The following MALL variants were observed in gnomAD, a reference collection of about 807,000 sequenced individuals.
MALL encodes mal, T cell differentiation protein like.
A neutral mutation model predicts 10.3 loss-of-function variants in MALL; 2 were observed. That is an observed-to-expected ratio of 0.19 (90% CI 0.08 to 0.61). The LOEUF (loss-of-function observed/expected upper bound fraction) is 0.61. Among genes scored for constraint, MALL ranks in the 20% least tolerant of loss-of-function variants. MALL has a pLI of 0.88. For synonymous variants in MALL, 27 were observed against 51.8 expected, an observed-to-expected ratio of 0.52 and a Z score of 2.05; for missense variants, 39 against 115.2, an observed-to-expected ratio of 0.34 and a Z score of 3.03.
intron 1 of MALL, among the ~76,000 whole-genome samples, chr2:110,106,388 G>T (rs913429871): frequency 6.6e-6 from 1 of 152,066 alleles, no homozygotes; most frequent in Non-Finnish European, 1.5e-5. Flanking sequence ...GGTGTGAGCC[G>T]CACCCACCCC....
At chr2:110,107,822 T>C (rs57676962) in intron 1 of MALL, among the ~76,000 whole-genome samples, 10,231 of 152,184 alleles carry the variant, frequency 0.067, 1,138 homozygotes, top group African/African-American at 0.23. Flanking sequence ...CAGGCACTGA[T>C]ATCCATGGCT....
At chr2:110,108,549 C>T (rs1033750894) in intron 1 of MALL, among the ~76,000 whole-genome samples, 45 of 151,334 alleles carry the variant, frequency 3.0e-4, no homozygotes, top group African/African-American at 9.5e-4. Context: ...TTATGTTAAA[C>T]GACCAAGCCT....
At chr2:110,095,141 A>G (rs1678414541) in intron 1 of MALL, among the ~76,000 whole-genome samples, 1 of 151,936 alleles carries the variant, frequency 6.6e-6, no homozygotes, top group Admixed American at 6.5e-5. Context: ...TTCTGTCTCA[A>G]GTAGTCTAGG....
rs766574295 is a variant in MALL at position 110,112,785 on chromosome 2, CAT to C, written c.105+2901_105+2902del. 8.6e-5 allele frequency among the ~76,000 whole-genome samples: 13 copies of C among 151,900 alleles called. 1 individual carries two copies. The highest frequency in any genetic ancestry group is 1.3e-4 in the Admixed American group (2 of 15,252). ...TATTCAAAAAAGATACTTGCACACA[CAT>C]GTTTATAGCAGCACAATTCACAATT... On this transcript the variant is annotated intron_variant, in intron 1 of 3. Transcript: ENST00000272462.
At chr2:110,110,545 A>C (rs1678781659) in intron 1 of MALL, among the ~76,000 whole-genome samples, 1 of 152,144 alleles carries the variant, frequency 6.6e-6, no homozygotes, top group Non-Finnish European at 1.5e-5. Flanking sequence ...TAAACAGATC[A>C]ATAACAAGCT....
At chr2:110,105,407 G>C (rs557008474) in intron 1 of MALL, among the ~76,000 whole-genome samples, 9 of 152,270 alleles carry the variant, frequency 5.9e-5, no homozygotes, top group African/African-American at 2.2e-4. Flanking sequence ...TTTTCCAGGG[G>C]ACATCCTTGG....
At chr2:110,099,184 A>G (rs1678509090) in intron 1 of MALL, among the ~76,000 whole-genome samples, 1 of 152,074 alleles carries the variant, frequency 6.6e-6, no homozygotes, top group African/African-American at 2.4e-5. Context: ...GGTTCTGAAC[A>G]TGGAGCGCTA....
chr2:110,105,836 C>G (rs1559032236), intron 1 of MALL, among the ~76,000 whole-genome samples: 1 of 152,112 alleles, frequency 6.6e-6, no homozygotes. Flanking sequence ...AGAGTTGGCC[C>G]TAGGGGGCTC....
chr2:110,096,220 G>A (rs547540850), intron 1 of MALL, among the ~76,000 whole-genome samples: 11 of 152,118 alleles, frequency 7.2e-5, no homozygotes, highest in South Asian at 2.1e-4. Context: ...GGGAGGCTGC[G>A]TTGTTCCCCA....
At chr2:110,097,502 C>T (rs1231201745) in intron 1 of MALL, 1 of 456,634 alleles carries the variant, frequency 2.2e-6, no homozygotes, top group Non-Finnish European at 4.4e-6. Context: ...TGCTCACCTG[C>T]ACAGAGCAGC....
intron 1 of MALL, among the ~76,000 whole-genome samples, chr2:110,095,672 T>A (rs1004643813): frequency 7.3e-5 from 11 of 151,074 alleles, no homozygotes; most frequent in Non-Finnish European, 1.3e-4. Flanking sequence ...AACCAATAAA[T>A]CTAATCGCGT....
chr2:110,100,776 C>T (rs1331209004), intron 1 of MALL, among the ~76,000 whole-genome samples: 2 of 152,138 alleles, frequency 1.3e-5, no homozygotes, highest in African/African-American at 4.8e-5. Flanking sequence ...CAGCAGGAGC[C>T]CCATCCCAGG....
intron 1 of MALL, among the ~76,000 whole-genome samples, chr2:110,102,971 A>G (rs574756354): frequency 6.6e-6 from 1 of 152,274 alleles, no homozygotes; most frequent in South Asian, 2.1e-4. Context: ...AAGAGTCCAG[A>G]TGGGCAGTGT....
intron 1 of MALL, among the ~76,000 whole-genome samples, chr2:110,111,506 C>T (rs2104394233): frequency 6.6e-6 from 1 of 152,004 alleles, no homozygotes; most frequent in Non-Finnish European, 1.5e-5. Context: ...TAATAAAATA[C>T]TTAGGAATAT....
upstream of MALL, among the ~76,000 whole-genome samples, chr2:110,117,850 T>G (rs1678954735): frequency 6.6e-6 from 1 of 151,894 alleles, no homozygotes; most frequent in South Asian, 2.1e-4. Context: ...AAACAGAGAT[T>G]TTCTACACTC....
At chr2:110,091,390 TCTC>T (rs1262690968) in intron 2 of MALL, among the ~76,000 whole-genome samples, 5 of 105,538 alleles carry the variant, frequency 4.7e-5, no homozygotes, top group African/African-American at 2.0e-4. Context: ...CATTGTGTAT[TCTC>T]CTAACAGGGA....
chr2:110,117,622 TGTGAGAGAGA>T (rs1259002569), upstream of MALL, among the ~76,000 whole-genome samples: 42 of 120,724 alleles, frequency 3.5e-4, no homozygotes, highest in African/African-American at 1.1e-3. Context: ...TGTGTGTGTG[TGTGAGAGAGA>T]GAGAGAGAGA....
chr2:110,113,404 C>G (rs1365518958), intron 1 of MALL, among the ~76,000 whole-genome samples: 2 of 141,072 alleles, frequency 1.4e-5, no homozygotes, highest in African/African-American at 5.3e-5. Context: ...CGCCACTGCA[C>G]TCCAGCCTGG....
intron 1 of MALL, among the ~76,000 whole-genome samples, chr2:110,103,649 G>A (rs1678627568): frequency 6.6e-6 from 1 of 152,302 alleles, no homozygotes; most frequent in Admixed American, 6.5e-5. Context: ...AGACTGCCCG[G>A]GGCCTCTCTG....
Sources: allele counts gnomAD v4.1 joint callset (sites outside exome capture counted in the v4.1 genomes callset), GRCh38; gene constraint gnomAD v4.1.1; transcripts MANE v1.5; gene names NCBI Gene and HGNC (gene_info 2026-07-23, HGNC 2026-07-21).